The following FOCAD variants were observed in gnomAD, a reference collection of about 807,000 sequenced individuals.
FOCAD encodes the protein focadhesin.
Under a neutral mutation model 225.6 loss-of-function variants are expected in FOCAD, and 198 were observed. That is an observed-to-expected ratio of 0.88 (90% CI 0.78 to 0.99). The LOEUF is 0.99. Ranked by LOEUF, FOCAD falls within the 50% of genes least tolerant of loss-of-function variation. The pLI is 0.00. For synonymous variants in FOCAD, 897 were observed against 755.0 expected, an observed-to-expected ratio of 1.19 and a Z score of -3.08; for missense variants, 2,713 against 2,123.6, an observed-to-expected ratio of 1.28 and a Z score of -5.46.
chr9:20,940,020 A>G (rs1836484112), intron 28 of FOCAD, among the ~76,000 whole-genome samples: 2 of 151,262 alleles, frequency 1.3e-5, no homozygotes, highest in South Asian at 4.2e-4. Context: ...CTCATTGTTC[A>G]ATTCCCACCT....
intron 2 of FOCAD, among the ~76,000 whole-genome samples, chr9:20,663,850 A>G (rs537220172): frequency 1.4e-4 from 22 of 152,300 alleles, no homozygotes; most frequent in African/African-American, 4.3e-4. Context: ...TTTATATGAT[A>G]TTTTCTCCCA....
In FOCAD at chr9:20,820,548, T is replaced by C. The variant is rs150206708; in HGVS notation, c.1662+123T>C. 1.5e-3 allele frequency: 1,106 copies of C among 724,478 alleles called. 19 individuals carry two copies. The East Asian group carries it at 0.03, about 19-fold the overall frequency. The allele number at this position is 724,478 out of a possible 1,614,324, so 44.9% of individuals were successfully genotyped here. Reference sequence around the variant, plus strand: ...TTAATGAGTGGCATCAGTGATTGCATTGAAAAAGTTTTGATTTATTGTGAT... The same window carrying C: ...TTAATGAGTGGCATCAGTGATTGCACTGAAAAAGTTTTGATTTATTGTGAT... On this transcript the variant is annotated intron_variant, in intron 13 of 43. Coordinates refer to ENST00000338382, the MANE Select transcript of FOCAD (RefSeq NM_001375567.1).
Position 20,856,453 on chromosome 9 carries a change from TG to T in FOCAD, c.1921-6124del, listed in dbSNP as rs1461556911. The stretch of plus-strand genomic sequence containing the variant: ...AGTGGATTGTTAGATTATTTCTTAT[TG>T]AGTTGTTTGAGCTCCATTTTTATTC... On this transcript the variant is annotated intron_variant, in intron 15 of 43. Coordinates refer to ENST00000338382, the MANE Select transcript of FOCAD (RefSeq NM_001375567.1). 2.0e-5 allele frequency among the ~76,000 whole-genome samples: 3 copies of T among 152,084 alleles called. No homozygotes were observed. In the East Asian group the frequency reaches 5.8e-4, roughly 29 times the overall value.
intron 20 of FOCAD, among the ~76,000 whole-genome samples, chr9:20,883,861 A>G (rs963135832): frequency 1.3e-5 from 2 of 152,244 alleles, no homozygotes; most frequent in African/African-American, 4.8e-5. Flanking sequence ...GAAGCTTGGA[A>G]AAGAACAGCA....
At chr9:20,890,517 T>G (rs979229832) in intron 21 of FOCAD, among the ~76,000 whole-genome samples, 1 of 152,088 alleles carries the variant, frequency 6.6e-6, no homozygotes, top group African/African-American at 2.4e-5. Context: ...CTTGCATTCC[T>G]GGGATACACT....
intron 15 of FOCAD, among the ~76,000 whole-genome samples, chr9:20,828,412 G>C (rs1298563540): frequency 6.6e-6 from 1 of 152,020 alleles, no homozygotes; most frequent in African/African-American, 2.4e-5. Context: ...ACAAGTTTTT[G>C]TGTGTATACA....
At chr9:20,986,979 T>G (rs1385337573) in intron 40 of FOCAD, among the ~76,000 whole-genome samples, 1 of 152,150 alleles carries the variant, frequency 6.6e-6, no homozygotes, top group African/African-American at 2.4e-5. Flanking sequence ...TTTAGACCGT[T>G]TTAGACGTTA....
intron 4 of FOCAD, among the ~76,000 whole-genome samples, chr9:20,731,376 C>T (rs1031618088): frequency 1.3e-5 from 2 of 152,108 alleles, no homozygotes; most frequent in African/African-American, 4.8e-5. Flanking sequence ...ATCCTATTTG[C>T]TAAATGTGTG....
chr9:20,853,626 C>T (rs1428927052), intron 15 of FOCAD, among the ~76,000 whole-genome samples: 1 of 151,596 alleles, frequency 6.6e-6, no homozygotes, highest in Non-Finnish European at 1.5e-5. Context: ...ATATTCTTTG[C>T]CATGAACAGG....
chr9:20,678,577 C>G (rs1420246568), intron 2 of FOCAD, among the ~76,000 whole-genome samples: 1 of 152,064 alleles, frequency 6.6e-6, no homozygotes, highest in Non-Finnish European at 1.5e-5. Flanking sequence ...CTCTTTTTGC[C>G]CCTTCACAGT....
chr9:20,738,173 T>A (rs977268530), intron 4 of FOCAD, among the ~76,000 whole-genome samples: 3 of 152,314 alleles, frequency 2.0e-5, no homozygotes, highest in Admixed American at 6.5e-5. Context: ...GTCTAGAAAT[T>A]CAGTGTCAAT....
At chr9:20,901,761 A>T (rs1832585027) in intron 21 of FOCAD, among the ~76,000 whole-genome samples, 1 of 151,896 alleles carries the variant, frequency 6.6e-6, no homozygotes, top group Non-Finnish European at 1.5e-5. Context: ...TACTTAATTA[A>T]AGCTTACATC....
chr9:20,690,136 T>C (rs1822888779), intron 1 of FOCAD, among the ~76,000 whole-genome samples: 2 of 152,200 alleles, frequency 1.3e-5, no homozygotes, highest in Admixed American at 6.5e-5. Flanking sequence ...ATGTGGGAGA[T>C]TGGCATACCT....
At chr9:20,932,712 C>T (rs1174658354) in intron 27 of FOCAD, among the ~76,000 whole-genome samples, 2 of 152,072 alleles carry the variant, frequency 1.3e-5, no homozygotes, top group Admixed American at 6.5e-5. Flanking sequence ...TTCCGAGTTT[C>T]TTTTTTATTT....
At chr9:20,923,631 T>A in intron 24 of FOCAD, 29 bp from the exon 25 acceptor site, 3 of 1,575,948 alleles carry the variant, frequency 1.9e-6, no homozygotes, top group Non-Finnish European at 2.6e-6. Context: ...ACCAAAGTTC[T>A]CTGTTGAAAT....
intron 11 of FOCAD, among the ~76,000 whole-genome samples, chr9:20,811,978 ATTC>A (rs1823124710): frequency 6.6e-6 from 1 of 152,032 alleles, no homozygotes; most frequent in Admixed American, 6.6e-5. Flanking sequence ...TTATCTTACC[ATTC>A]TTTTAAAAAT....
intron 23 of FOCAD, among the ~76,000 whole-genome samples, chr9:20,915,472 G>C (rs975060885): frequency 5.3e-5 from 8 of 152,162 alleles, no homozygotes; most frequent in African/African-American, 1.4e-4. Context: ...CTGTTGTTAG[G>C]CTGCAGAAGA....
chr9:20,984,233 T>G (rs990762044), intron 39 of FOCAD, among the ~76,000 whole-genome samples: 1 of 152,238 alleles, frequency 6.6e-6, no homozygotes, highest in Non-Finnish European at 1.5e-5. Context: ...TTTAAGCAAG[T>G]TGCTTAACCA....
chr9:20,769,409 C>G (rs937629798), intron 7 of FOCAD, among the ~76,000 whole-genome samples: 3 of 152,212 alleles, frequency 2.0e-5, no homozygotes, highest in African/African-American at 7.2e-5. Flanking sequence ...ATCCTTAATA[C>G]CAACTCCAGA....
Sources: gnomAD v4.1 joint callset for allele counts (sites outside exome capture counted in the v4.1 genomes callset) on GRCh38, gnomAD v4.1.1 for gene constraint, MANE v1.5 for transcripts, NCBI Gene and HGNC (gene_info 2026-07-23, HGNC 2026-07-21) for gene names.